CCNH: variants seen among roughly 807,000 people sequenced by gnomAD.
CCNH encodes the protein cyclin-H.
CCNH carries 31 observed loss-of-function variants against 41.9 expected under a neutral mutation model. The observed-to-expected ratio is 0.74, with a 90% CI of 0.56 to 1.00. The LOEUF (loss-of-function observed/expected upper bound fraction) is 1.00, where lower values mean the gene tolerates loss of function less well. Among genes scored for constraint, CCNH ranks in the 50% least tolerant of loss-of-function variants. The pLI, the probability that CCNH is intolerant of heterozygous loss-of-function variation, is 0.00. For synonymous variants in CCNH, 138 were observed against 136.1 expected, an observed-to-expected ratio of 1.01 and a Z score of -0.10; for missense variants, 362 against 388.4, an observed-to-expected ratio of 0.93 and a Z score of 0.57.
intron 5 of CCNH, among the ~76,000 whole-genome samples, chr5:87,403,446 T>C (rs890693962): frequency 2.6e-5 from 4 of 152,182 alleles, no homozygotes; most frequent in South Asian, 2.1e-4. Context: ...TTTTGGTTAT[T>C]TGAATTGTGG....
downstream of CCNH, chr5:87,393,282 G>T (rs1342993794): frequency 6.6e-6 from 1 of 152,080 alleles, no homozygotes; most frequent in Non-Finnish European, 1.5e-5. Flanking sequence ...GAATTACTCG[G>T]AATTCCTTCA....
chr5:87,411,163 A>G, intron 2 of CCNH, 61 bp downstream of exon 2: 1 of 1,514,084 alleles, frequency 6.6e-7, no homozygotes, highest in Non-Finnish European at 8.9e-7. Context: ...GGGAATTTAG[A>G]AGAGGTCAAA....
downstream of CCNH, among the ~76,000 whole-genome samples, chr5:87,393,146 A>G (rs888172101): frequency 3.9e-5 from 6 of 152,050 alleles, no homozygotes; most frequent in Non-Finnish European, 5.9e-5. Flanking sequence ...ATATGCATAT[A>G]GTAAGTATTG....
At chr5:87,404,633 T>C (rs1763650426) in intron 5 of CCNH, among the ~76,000 whole-genome samples, 1 of 152,216 alleles carries the variant, frequency 6.6e-6, no homozygotes, top group Admixed American at 6.5e-5. Context: ...AAGGATCACC[T>C]GGTTTACTTC....
intron 9 of CCNH, among the ~76,000 whole-genome samples, chr5:87,325,054 A>G (rs1205253999): frequency 6.6e-6 from 1 of 152,154 alleles, no homozygotes; most frequent in Non-Finnish European, 1.5e-5. Flanking sequence ...AAGAGGCTTA[A>G]TTGACTCATA....
chr5:87,358,383 C>T (rs1159849212), intron 9 of CCNH, among the ~76,000 whole-genome samples: 1 of 152,156 alleles, frequency 6.6e-6, no homozygotes, highest in Non-Finnish European at 1.5e-5. Context: ...TACAATGATG[C>T]CTATTTCAAA....
chr5:87,370,838 C>G (rs1413354556), intron 9 of CCNH, among the ~76,000 whole-genome samples: 1 of 152,140 alleles, frequency 6.6e-6, no homozygotes, highest in African/African-American at 2.4e-5. Context: ...GGAAGATGCT[C>G]TTAAAACTAG....
chr5:87,387,059 A>G (rs1023027650), downstream of CCNH, among the ~76,000 whole-genome samples: 5 of 152,166 alleles, frequency 3.3e-5, no homozygotes, highest in Admixed American at 1.3e-4. Context: ...CAAAAAACAT[A>G]TTTTTGTTTG....
chr5:87,342,130 C>G (rs1243034804), intron 9 of CCNH, among the ~76,000 whole-genome samples: 3 of 151,200 alleles, frequency 2.0e-5, no homozygotes, highest in Non-Finnish European at 4.4e-5. Context: ...CTACCTATAT[C>G]AGGAGTTTCA....
At chr5:87,374,696 A>G, downstream of CCNH, 3 of 1,177,720 alleles carry the variant, frequency 2.5e-6, no homozygotes, top group Non-Finnish European at 2.4e-6. Context: ...ATAATAAAAT[A>G]TGTTGTGAAT....
At chr5:87,370,450 AAC>A (rs1397780118) in intron 9 of CCNH, among the ~76,000 whole-genome samples, 4 of 152,170 alleles carry the variant, frequency 2.6e-5, no homozygotes, top group African/African-American at 9.7e-5. Flanking sequence ...TTTTTTAAAA[AAC>A]ACTCTTTAAA....
intron 8 of CCNH, 98 bp from the exon 9 acceptor site, chr5:87,394,582 C>T (rs1762770759): frequency 3.2e-6 from 5 of 1,571,902 alleles, no homozygotes; most frequent in Non-Finnish European, 4.3e-6. Flanking sequence ...CTCCTTTTAC[C>T]CATGTGGATT....
chr5:87,334,930 C>T (rs1006403641), intron 9 of CCNH, among the ~76,000 whole-genome samples: 1 of 152,068 alleles, frequency 6.6e-6, no homozygotes, highest in Admixed American at 6.6e-5. Context: ...GTTACCCAGG[C>T]TGGAGTGCAG....
At chr5:87,379,426 A>G (rs550958012), upstream of CCNH, among the ~76,000 whole-genome samples, 1 of 152,298 alleles carries the variant, frequency 6.6e-6, no homozygotes, top group African/African-American at 2.4e-5. Flanking sequence ...TGATATTTTT[A>G]TTAGCCATTA....
chr5:87,366,770 G>C (rs577392292), intron 9 of CCNH, among the ~76,000 whole-genome samples: 6 of 152,288 alleles, frequency 3.9e-5, no homozygotes, highest in African/African-American at 1.4e-4. Context: ...AGTGGCTCAC[G>C]CCTGTAATCC....
At position 87,376,383 on chromosome 5, in the gene CCNH, T is replaced by TC. The variant is rs767183114; in HGVS notation, n.797dup. On this transcript the variant is annotated non_coding_transcript_exon_variant, in exon 1 of 1. Coordinates refer to the CCNH transcript ENST00000607486. ...TTTTTAAACAATAATTGCTTGTTTT[T>TC]CTTCCCAAGTATTTATGCGCTGCCA... 3.1e-6 allele frequency: 5 copies of TC among 1,613,812 alleles called. No homozygotes were observed. The Admixed American group carries it at 8.3e-5, about 27-fold the overall frequency.
At chr5:87,371,186 A>G (rs1018946110) in intron 9 of CCNH, among the ~76,000 whole-genome samples, 1 of 152,074 alleles carries the variant, frequency 6.6e-6, no homozygotes, top group Non-Finnish European at 1.5e-5. Context: ...ACATTTTTTA[A>G]TGTATTTATA....
chr5:87,327,494 C>T (rs528115048), intron 9 of CCNH, among the ~76,000 whole-genome samples: 3 of 152,188 alleles, frequency 2.0e-5, no homozygotes, highest in Admixed American at 6.5e-5. Flanking sequence ...CAGTTTCTGA[C>T]GAGATTTGGT....
At chr5:87,327,643 C>G (rs1385472392) in intron 9 of CCNH, among the ~76,000 whole-genome samples, 1 of 152,144 alleles carries the variant, frequency 6.6e-6, no homozygotes, top group Non-Finnish European at 1.5e-5. Flanking sequence ...TTCTGTCAGC[C>G]TAAACTGTTT....
Sources: gnomAD v4.1 joint callset for allele counts (sites outside exome capture counted in the v4.1 genomes callset) on GRCh38, gnomAD v4.1.1 for gene constraint, MANE v1.5 for transcripts, NCBI Gene and HGNC (gene_info 2026-07-23, HGNC 2026-07-21) for gene names.